Variants in SPOCK3 observed in about 807,000 individuals in gnomAD.
SPOCK3 encodes the protein SPARC (osteonectin), cwcv and kazal like domains proteoglycan 3.
A neutral mutation model predicts 56.6 loss-of-function variants in SPOCK3; 30 were observed. The observed-to-expected ratio is 0.53, with a 90% CI of 0.40 to 0.72. SPOCK3 has a LOEUF of 0.72. Ranked by LOEUF, SPOCK3 falls within the 30% of genes least tolerant of loss-of-function variation. The pLI is 0.00. For synonymous variants in SPOCK3, 196 were observed against 183.3 expected (o/e 1.07, Z -0.56); for missense variants, 527 against 530.0 (o/e 0.99, Z 0.06).
At chr4:167,122,722 G>A (rs1761968504) in intron 2 of SPOCK3, among the ~76,000 whole-genome samples, 1 of 152,082 alleles carries the variant, frequency 6.6e-6, no homozygotes, top group Admixed American at 6.6e-5. Context: ...AGAGATATAT[G>A]AATATTAATG....
intron 6 of SPOCK3, among the ~76,000 whole-genome samples, chr4:166,841,319 G>A (rs1249693256): frequency 6.6e-6 from 1 of 152,112 alleles, no homozygotes; most frequent in Non-Finnish European, 1.5e-5. Flanking sequence ...AGCCATACCA[G>A]TAGGATGTCA....
chr4:167,233,835 G>T (rs1217085651), intron 2 of SPOCK3, 150 bp downstream of exon 2: 8 of 679,474 alleles, frequency 1.2e-5, no homozygotes, highest in Non-Finnish European at 1.8e-5. Context: ...GCGGAACTGT[G>T]AACTTCTCCA....
At chr4:166,830,638 G>C (rs1038527742) in intron 6 of SPOCK3, among the ~76,000 whole-genome samples, 1 of 152,032 alleles carries the variant, frequency 6.6e-6, no homozygotes, top group Admixed American at 6.5e-5. Context: ...AAAGACTGAG[G>C]CATGAGAATT....
Position 167,144,501 on chromosome 4 carries a change from C to G in SPOCK3, c.190-81964G>C, listed in dbSNP as rs1290308670. Among the ~76,000 whole-genome samples, 19 of 151,604 alleles carry G rather than the reference C, an allele frequency of 1.3e-4. No individual in the cohort carries two copies. In the Admixed American group the frequency reaches 1.3e-3, roughly 10 times the overall value. ...TTTTTAATAAGCATCTACTATTAGC[C>G]AGGCATAGACCTAGGTTTTGGGCTT... On this transcript the variant is annotated intron_variant, in intron 2 of 10. Transcript: ENST00000357545.
chr4:166,875,220 G>C (rs1732952158), intron 6 of SPOCK3, among the ~76,000 whole-genome samples: 1 of 152,012 alleles, frequency 6.6e-6, no homozygotes, highest in Non-Finnish European at 1.5e-5. Flanking sequence ...CTGAAACTAT[G>C]TATTATTAAA....
At chr4:166,811,419 T>C (rs976562527) in intron 6 of SPOCK3, among the ~76,000 whole-genome samples, 2 of 151,854 alleles carry the variant, frequency 1.3e-5, no homozygotes, top group African/African-American at 4.8e-5. Flanking sequence ...TATTATCCTA[T>C]AGTTTCATGT....
At chr4:166,963,503 G>A (rs189353054) in intron 4 of SPOCK3, among the ~76,000 whole-genome samples, 63 of 151,858 alleles carry the variant, frequency 4.1e-4, no homozygotes, top group Non-Finnish European at 5.0e-4. Context: ...TGTTAGCACC[G>A]TAACACTAAG....
intron 6 of SPOCK3, among the ~76,000 whole-genome samples, chr4:166,818,804 C>T (rs1051331059): frequency 7.9e-5 from 12 of 151,940 alleles, no homozygotes; most frequent in African/African-American, 2.9e-4. Flanking sequence ...ACAGATAAGA[C>T]TCTTAAAATG....
At chr4:167,134,932 T>C (rs958018007) in intron 2 of SPOCK3, among the ~76,000 whole-genome samples, 1 of 152,022 alleles carries the variant, frequency 6.6e-6, no homozygotes. Context: ...CATTATTCAA[T>C]ACCTTATTCC....
chr4:166,868,947 A>G (rs1230804784), intron 6 of SPOCK3, among the ~76,000 whole-genome samples: 1 of 152,146 alleles, frequency 6.6e-6, no homozygotes, highest in Non-Finnish European at 1.5e-5. Flanking sequence ...TATAGTTTTG[A>G]TAATCAAGCC....
rs559635460 is a variant in SPOCK3, at chr4:166,766,075, A to C, written c.710-11346T>G. Among the ~76,000 whole-genome samples the C allele has an allele frequency of 1.2e-3, 186 of 152,316 alleles. 5 individuals are homozygous for C. Among genetic ancestry groups the C allele is most frequent in the African/African-American group, 4.3e-3 (179 of 41,570 alleles). On this transcript the variant is annotated intron_variant, in intron 7 of 10. Coordinates refer to ENST00000357545, the MANE Select transcript of SPOCK3 (RefSeq NM_001040159.2). ...TTTGCTGAAGTTGCTTATCAGCTTA[A>C]GGGGATTTTGGGCTGAGATGATAGG... is the stretch of plus-strand genomic sequence containing the variant.
chr4:166,828,202 C>T (rs549601646), intron 6 of SPOCK3, among the ~76,000 whole-genome samples: 73 of 151,954 alleles, frequency 4.8e-4, no homozygotes, highest in Non-Finnish European at 9.9e-4. Context: ...TAGAACTAGA[C>T]TGAATATTAA....
chr4:166,819,797 G>T (rs1427482091), intron 6 of SPOCK3, among the ~76,000 whole-genome samples: 2 of 151,706 alleles, frequency 1.3e-5, no homozygotes, highest in African/African-American at 4.8e-5. Context: ...GGCTGAAGTG[G>T]CACCCTTGAA....
At chr4:167,115,202 CA>C in intron 2 of SPOCK3, among the ~76,000 whole-genome samples, 1 of 151,680 alleles carries the variant, frequency 6.6e-6, no homozygotes, top group Non-Finnish European at 1.5e-5. Context: ...CAATTATGCC[CA>C]TCTGGTTACA....
intron 5 of SPOCK3, among the ~76,000 whole-genome samples, chr4:166,896,598 T>C (rs1735411030): frequency 6.6e-6 from 1 of 152,192 alleles, no homozygotes. Context: ...TCCAGGCTCA[T>C]GGCCCATCTT....
chr4:167,011,197 A>G (rs1309359148), intron 3 of SPOCK3: 1 of 391,666 alleles, frequency 2.6e-6, no homozygotes, highest in African/African-American at 2.1e-5. Context: ...TAAAAAATAC[A>G]AAAAAAAATG....
intron 2 of SPOCK3, among the ~76,000 whole-genome samples, chr4:167,229,399 G>GA (rs754024259): frequency 1.5e-4 from 23 of 152,048 alleles, no homozygotes; most frequent in Non-Finnish European, 2.9e-4. Flanking sequence ...CTCATTGTTT[G>GA]AATTTTAATG....
At chr4:167,182,493 T>A (rs1340428274) in intron 2 of SPOCK3, among the ~76,000 whole-genome samples, 8 of 147,414 alleles carry the variant, frequency 5.4e-5, no homozygotes, top group Admixed American at 2.0e-4. Flanking sequence ...AAAAAAAAAA[T>A]ATGCAATCAT....
intron 6 of SPOCK3, among the ~76,000 whole-genome samples, chr4:166,866,837 T>G (rs1236014319): frequency 6.6e-6 from 1 of 152,096 alleles, no homozygotes; most frequent in Non-Finnish European, 1.5e-5. Flanking sequence ...TCTTCATGAA[T>G]GCATTATTAC....
Sources: gnomAD v4.1 joint callset for allele counts (sites outside exome capture counted in the v4.1 genomes callset) on GRCh38, gnomAD v4.1.1 for gene constraint, MANE v1.5 for transcripts, NCBI Gene and HGNC (gene_info 2026-07-23, HGNC 2026-07-21) for gene names.